PRSS21: variants seen among roughly 807,000 people sequenced by gnomAD.
PRSS21 encodes the protein testisin.
In PRSS21, 40 loss-of-function variants were observed where a neutral mutation model predicts 31.1. The observed-to-expected ratio is 1.29, with a 90% CI of 1.00 to 1.68. PRSS21 has a LOEUF of 1.68. Among genes scored for constraint, PRSS21 ranks in the 40% most tolerant of loss-of-function variants. PRSS21 has a pLI of 0.00. For synonymous variants in PRSS21, 186 were observed against 167.7 expected (o/e 1.11, Z -0.84); for missense variants, 467 against 412.6 (o/e 1.13, Z -1.14).
chr16:2,820,185 C>T (rs975511952), intron 4 of PRSS21, among the ~76,000 whole-genome samples: 4 of 152,248 alleles, frequency 2.6e-5, no homozygotes, highest in Non-Finnish European at 5.9e-5. Context: ...GTTCATCTTA[C>T]AGTGCCTCAG....
rs894960562 is a variant in PRSS21 at position 2,817,860 on chromosome 16, G to A, written c.151G>A (p.Gly51Arg). 2.6e-6 allele frequency: 4 copies of A among 1,550,538 alleles called. No homozygotes were observed. In the African/African-American group the frequency reaches 5.5e-5, roughly 21 times the overall value. The part of the protein sequence containing the change: ...RIVGGEDAEL[G>R]RWPWQGSLRL... ...CGTGGGTGGAGAGGACGCCGAACTC[G>A]GGCGTTGGCCGTGGCAGGGGAGCCT... Residue 51 changes from glycine (G) to arginine (R), a missense_variant, in exon 3 of 6, where the codon GGG becomes AGG. By Grantham distance (125) the Gly-to-Arg change is moderately radical. Transcript: ENST00000005995. The surrounding 1 kb of genome is among the most constrained non-coding windows in gnomAD (Gnocchi z 4.2).
At position 2,817,973 on chromosome 16, in the gene PRSS21, GGGGGTGCGAACGGA is replaced by G. The variant is rs1250549350; in HGVS notation, c.257+16_257+29del. ...CGGCGCACTGCTTTGAAACGTGAGT[GGGGGTGCGAACGGA>G]GGGGTGCGGGGACGGGCAGGAACAG... On this transcript the variant is annotated splice_region_variant and intron_variant, in intron 3 of 5. Transcript: ENST00000005995. The surrounding 1 kb of genome is among the most constrained non-coding windows in gnomAD (Gnocchi z 4.2). The G allele has an allele frequency of 1.3e-6, 2 of 1,546,488 alleles. No individual in the cohort carries two copies. Among genetic ancestry groups the G allele is most frequent in the African/African-American group, 2.7e-5 (2 of 73,120 alleles).
At chr16:2,819,137 C>T (rs72768777) in intron 4 of PRSS21, among the ~76,000 whole-genome samples, 168 bp downstream of exon 4, 2,832 of 152,294 alleles carry the variant, frequency 0.019, 25 homozygotes, top group Non-Finnish European at 0.027. Context: ...TCTCTCCCTT[C>T]CAGGGGCTGT....
intron 5 of PRSS21, 62 bp downstream of exon 5, chr16:2,821,171 G>T: frequency 6.3e-7 from 1 of 1,599,314 alleles, no homozygotes; most frequent in South Asian, 1.1e-5. Context: ...TGCCTTATTT[G>T]ACCCTCATGC....
In PRSS21 at chr16:2,817,560, C is replaced by A; in HGVS notation, c.91+104C>A. On this transcript the variant is annotated intron_variant, in intron 2 of 5. Coordinates refer to ENST00000005995, the MANE Select transcript of PRSS21 (RefSeq NM_006799.4). The surrounding 1 kb of genome is among the most constrained non-coding windows in gnomAD (Gnocchi z 4.2). The stretch of plus-strand genomic sequence containing the variant: ...GGCCTTTACTGCTCTCTCGCCCCCG[C>A]CCCCGGGATCGAGAACTCTGTTGGC... 7.0e-7 allele frequency: 1 copy of A among 1,426,906 alleles called. No homozygotes were observed. Among genetic ancestry groups the A allele is most frequent in the South Asian group, 1.4e-5 (1 of 72,550 alleles). The allele number at this position is 1,426,906 out of a possible 1,614,324, so 88.4% of individuals were successfully genotyped here.
rs556714236 is a variant in PRSS21, at chr16:2,817,734, G to A, written c.92-67G>A. The A allele has an allele frequency of 3.2e-4, 493 of 1,520,384 alleles. 1 individual carries two copies. In the African/African-American group the frequency reaches 6.2e-3, roughly 19 times the overall value. 94.2% of individuals were successfully genotyped at this position (1,520,384 alleles called of 1,614,324 possible). Reference sequence around the variant, plus strand: ...TGCTTTCCCGGACGGGGTTGAAGGGGAGAAAGGGAGAGGTCGGGCTTGGGG... The same window carrying A: ...TGCTTTCCCGGACGGGGTTGAAGGGAAGAAAGGGAGAGGTCGGGCTTGGGG... On this transcript the variant is annotated intron_variant, in intron 2 of 5. Coordinates refer to ENST00000005995, the MANE Select transcript of PRSS21 (RefSeq NM_006799.4). This position sits in a 1 kb window ranked among gnomAD's most constrained non-coding sequence, Gnocchi z 4.2.
chr16:2,821,109 C>T lies in PRSS21; in HGVS notation c.705C>T (p.Phe235=), dbSNP rs557043199. 34 of 1,613,860 alleles carry T rather than the reference C, an allele frequency of 2.1e-5. No homozygotes were observed. Among genetic ancestry groups the T allele is most frequent in the South Asian group, 6.6e-5 (6 of 91,074 alleles). The stretch of plus-strand genomic sequence containing the variant: ...CCCAAGGCGGGAAGGATGCCTGCTT[C>T]GTGAGTGTCCTTGCCACCACTCCCA... ...GNAQGGKDAC[F]GDSGGPLACN... is the part of the protein sequence containing the mutation. Residue 235 remains phenylalanine (F), a splice_region_variant and synonymous_variant, in exon 5 of 6, where the codon TTC becomes TTT. Transcript: ENST00000005995.
Position 2,821,070 on chromosome 16 carries a change from T to C in PRSS21, c.666T>C (p.Val222=). The change falls in exon 5 of 6, where the codon GTT becomes GTC. Residue 222 remains valine, a synonymous_variant. Coordinates refer to ENST00000005995, the MANE Select transcript of PRSS21 (RefSeq NM_006799.4). ...SFRKDIFGDM[V]CAGNAQGGKD... is the part of the protein sequence containing the mutation. Reference sequence around the variant, plus strand: ...GCAAGGACATCTTTGGAGACATGGTTTGTGCTGGCAATGCCCAAGGCGGGA... The same window carrying C: ...GCAAGGACATCTTTGGAGACATGGTCTGTGCTGGCAATGCCCAAGGCGGGA... 6.2e-7 allele frequency: 1 copy of C among 1,614,182 alleles called. No individual in the cohort carries two copies. The highest frequency in any genetic ancestry group is 8.5e-7 in the Non-Finnish European group (1 of 1,180,032).
chr16:2,817,701 C>CA lies in PRSS21; in HGVS notation c.92-95dup. Reference sequence around the variant, plus strand: ...CACACGCGAGGGGACCCTGGGTGGGCAAAAACGTGCTTTCCCGGACGGGGT... The same window carrying CA: ...CACACGCGAGGGGACCCTGGGTGGGCAAAAAACGTGCTTTCCCGGACGGGGT... On this transcript the variant is annotated intron_variant, in intron 2 of 5. Transcript: ENST00000005995. The surrounding 1 kb of genome is among the most constrained non-coding windows in gnomAD (Gnocchi z 4.2). 6.9e-7 allele frequency: 1 copy of CA among 1,454,154 alleles called. No individual in the cohort carries two copies. The highest frequency in any genetic ancestry group is 9.2e-7 in the Non-Finnish European group (1 of 1,087,254). 90.1% of individuals were successfully genotyped at this position (1,454,154 alleles called of 1,614,324 possible). A position where few individuals can be genotyped will look rare whatever the true frequency, so the allele number is the denominator to read the frequency against.
rs2069127184 is a variant in PRSS21 at position 2,818,946 on chromosome 16, G to T, written c.527G>T (p.Trp176Leu). The change falls in exon 4 of 6, where the codon TGG becomes TTG. Residue 176 changes from tryptophan to leucine, a missense_variant. Transcript: ENST00000005995. ...ENRTDCWVTGWGYIKEDEALP... is the reference protein window; with the variant it reads ...ENRTDCWVTGLGYIKEDEALP... ...CGGACAGACTGCTGGGTGACTGGCT[G>T]GGGGTACATCAAAGAGGATGAGGGT... The T allele has an allele frequency of 1.9e-6, 3 of 1,614,104 alleles. No individual in the cohort carries two copies. Among genetic ancestry groups the T allele is most frequent in the Admixed American group, 3.3e-5 (2 of 60,030 alleles).
chr16:2,819,641 G>A (rs978968742), intron 4 of PRSS21, among the ~76,000 whole-genome samples: 20 of 152,200 alleles, frequency 1.3e-4, no homozygotes, highest in African/African-American at 3.6e-4. Flanking sequence ...AATAACAAAC[G>A]TGGTTCCTTG....
Position 2,817,536 on chromosome 16 carries a change from G to A in PRSS21, c.91+80G>A. 3 of 944,912 alleles carry A rather than the reference G, an allele frequency of 3.2e-6. No individual in the cohort carries two copies. Among genetic ancestry groups the A allele is most frequent in the Non-Finnish European group, 4.7e-6 (3 of 640,896 alleles). The allele number at this position is 944,912 out of a possible 1,614,324, so 58.5% of individuals were successfully genotyped here. ...GGGGGCGGTGAGGGGGTAGAGGGGG[G>A]CCTTTACTGCTCTCTCGCCCCCGCC... On this transcript the variant is annotated intron_variant, in intron 2 of 5. Coordinates refer to ENST00000005995, the MANE Select transcript of PRSS21 (RefSeq NM_006799.4). The surrounding 1 kb of genome is among the most constrained non-coding windows in gnomAD (Gnocchi z 4.2).
chr16:2,817,373 A>G lies in PRSS21; in HGVS notation c.64+41A>G, dbSNP rs1027535256. ...TGCTGGCGGGATGGGGAGGCGGGGGAGCGGTGGGGAGGACGGGAGGTGGAG... is the reference window on the plus strand; with the variant it reads ...TGCTGGCGGGATGGGGAGGCGGGGGGGCGGTGGGGAGGACGGGAGGTGGAG... On this transcript the variant is annotated intron_variant, in intron 1 of 5. Coordinates refer to ENST00000005995, the MANE Select transcript of PRSS21 (RefSeq NM_006799.4). The surrounding 1 kb of genome is among the most constrained non-coding windows in gnomAD (Gnocchi z 4.2). 4 of 1,499,538 alleles carry G rather than the reference A, an allele frequency of 2.7e-6. No individual in the cohort carries two copies. The highest frequency in any genetic ancestry group is 1.8e-5 in the Admixed American group (1 of 56,118). The allele number at this position is 1,499,538 out of a possible 1,614,324, so 92.9% of individuals were successfully genotyped here.
In PRSS21 at chr16:2,817,975, G is replaced by A; in HGVS notation, c.257+9G>A. 1 of 1,545,750 alleles carries A rather than the reference G, an allele frequency of 6.5e-7. No individual in the cohort carries two copies. Among genetic ancestry groups the A allele is most frequent in the Non-Finnish European group, 8.7e-7 (1 of 1,145,234 alleles). On this transcript the variant is annotated intron_variant, in intron 3 of 5. Transcript: ENST00000005995. The surrounding 1 kb of genome is among the most constrained non-coding windows in gnomAD (Gnocchi z 4.2). ...GCGCACTGCTTTGAAACGTGAGTGGGGGTGCGAACGGAGGGGTGCGGGGAC... is the reference window on the plus strand; with the variant it reads ...GCGCACTGCTTTGAAACGTGAGTGGAGGTGCGAACGGAGGGGTGCGGGGAC...
rs768789157 is a variant in PRSS21, at chr16:2,817,389, G to A, written c.65-41G>A. The A allele has an allele frequency of 6.9e-5, 110 of 1,591,864 alleles. No homozygotes were observed. Among genetic ancestry groups the A allele is most frequent in the Middle Eastern group, 2.3e-4 (1 of 4,432 alleles). On this transcript the variant is annotated intron_variant, in intron 1 of 5. Coordinates refer to ENST00000005995, the MANE Select transcript of PRSS21 (RefSeq NM_006799.4). The surrounding 1 kb of genome is among the most constrained non-coding windows in gnomAD (Gnocchi z 4.2). The stretch of plus-strand genomic sequence containing the variant: ...AGGCGGGGGAGCGGTGGGGAGGACG[G>A]GAGGTGGAGGCCGCGGGGAGTCACT...
intron 3 of PRSS21, 51 bp downstream of exon 3, chr16:2,818,017 G>T: frequency 6.6e-7 from 1 of 1,514,230 alleles, no homozygotes; most frequent in Non-Finnish European, 8.9e-7. Context: ...GAACAGGGCT[G>T]GAGGGAGTGC....
Position 2,817,339 on chromosome 16 carries a change from T to C in PRSS21, c.64+7T>C, listed in dbSNP as rs568486562. 1.3e-6 allele frequency: 2 copies of C among 1,558,026 alleles called. No individual in the cohort carries two copies. Among genetic ancestry groups the C allele is most frequent in the Admixed American group, 3.7e-5 (2 of 54,698 alleles). On this transcript the variant is annotated splice_region_variant and intron_variant, in intron 1 of 5. Coordinates refer to ENST00000005995, the MANE Select transcript of PRSS21 (RefSeq NM_006799.4). This position sits in a 1 kb window ranked among gnomAD's most constrained non-coding sequence, Gnocchi z 4.2. ...GCTGGACTCAGGAAGCCGGGTGAGC[T>C]CGGGGCGCTGCTGGCGGGATGGGGA...
In PRSS21 at chr16:2,818,860, C is replaced by A. The variant is rs1596314838; in HGVS notation, c.441C>A (p.Val147=). The A allele has an allele frequency of 6.8e-6, 11 of 1,613,984 alleles. No homozygotes were observed. In the East Asian group the frequency reaches 2.4e-4, roughly 36 times the overall value. The part of the protein sequence containing the change: ...DIALVKLSAP[V]TYTKHIQPIC... ...CCTTGGTGAAGCTGTCTGCACCTGT[C>A]ACCTACACTAAACACATCCAGCCCA... Residue 147 remains valine (V), a synonymous_variant, in exon 4 of 6, where the codon GTC becomes GTA. Transcript: ENST00000005995.
chr16:2,817,602 G>GTT lies in PRSS21; in HGVS notation c.91+146_91+147insTT. The stretch of plus-strand genomic sequence containing the variant: ...TCTGTTGGCGTGGAAAGTAACTAAC[G>GTT]GACGCTGGAGGGGGATGGGCGGGCC... On this transcript the variant is annotated intron_variant, in intron 2 of 5. Coordinates refer to ENST00000005995, the MANE Select transcript of PRSS21 (RefSeq NM_006799.4). This position sits in a 1 kb window ranked among gnomAD's most constrained non-coding sequence, Gnocchi z 4.2. 7.5e-7 allele frequency: 1 copy of GTT among 1,328,574 alleles called. No homozygotes were observed. The highest frequency in any genetic ancestry group is 1.0e-6 in the Non-Finnish European group (1 of 989,850). 82.3% of individuals were successfully genotyped at this position (1,328,574 alleles called of 1,614,324 possible).
Sources: gnomAD v4.1 joint callset for allele counts (sites outside exome capture counted in the v4.1 genomes callset) on GRCh38, gnomAD v4.1.1 for gene constraint, Gnocchi (gnomAD v3.1) non-coding constraint, MANE v1.5 for transcripts, NCBI Gene and HGNC (gene_info 2026-07-23, HGNC 2026-07-21) for gene names.